FKBP11: variants seen among roughly 807,000 people sequenced by gnomAD.
FKBP11 encodes FKBP prolyl isomerase 11.
FKBP11 carries 21 observed loss-of-function variants against 24.7 expected under a neutral mutation model. That is an observed-to-expected ratio of 0.85 (90% CI 0.60 to 1.23). The LOEUF is 1.23. Ranked by LOEUF, FKBP11 falls within the 50% of genes most tolerant of loss-of-function variation. FKBP11 has a pLI of 0.00. For missense variants in FKBP11, 245 were observed against 248.7 expected (o/e 0.99, Z 0.10); for synonymous variants, 106 against 100.6 (o/e 1.05, Z -0.32).
At chr12:48,938,308 C>T in the FKBP11 span, 6 of 444,464 alleles carry the variant, frequency 1.3e-5, no homozygotes, top group East Asian at 7.1e-5. Flanking sequence ...TGGGGCAGTC[C>T]GGCTTGACTA....
At chr12:48,922,843 A>G in intron 5 of FKBP11, 1 of 1,022,332 alleles carries the variant, frequency 9.8e-7, no homozygotes, top group Non-Finnish European at 1.2e-6. Context: ...CTAAGCTGGA[A>G]CTAGGATAAG....
the FKBP11 span, chr12:48,931,646 C>T: frequency 1.7e-6 from 1 of 599,500 alleles, no homozygotes; most frequent in East Asian, 2.9e-5. Flanking sequence ...AGTACCTGGG[C>T]TTCCAAGACT....
At chr12:48,929,766 A>G (rs1940025079), upstream of FKBP11, among the ~76,000 whole-genome samples, 1 of 152,176 alleles carries the variant, frequency 6.6e-6, no homozygotes, top group Admixed American at 6.5e-5. Flanking sequence ...TTGTGAATTG[A>G]GCCAAATTCC....
chr12:48,924,739 G>A, intron 2 of FKBP11, 91 bp from the exon 3 acceptor site: 1 of 1,569,102 alleles, frequency 6.4e-7, no homozygotes. Flanking sequence ...GGCGGCGGCA[G>A]CCCCCTTAGT....
chr12:48,929,485 G>A (rs1456176054), upstream of FKBP11, among the ~76,000 whole-genome samples: 2 of 152,006 alleles, frequency 1.3e-5, no homozygotes, highest in Non-Finnish European at 2.9e-5. Flanking sequence ...TCCCTACTTT[G>A]GACCACTGTG....
upstream of FKBP11, chr12:48,925,812 G>T (rs1939952601): frequency 4.6e-6 from 1 of 218,958 alleles, no homozygotes; most frequent in South Asian, 8.4e-5. Context: ...AAGGCACAGG[G>T]TGCTCAGGAT....
At chr12:48,931,333 A>T, upstream of FKBP11, 1 of 1,241,260 alleles carries the variant, frequency 8.1e-7, no homozygotes, top group Non-Finnish European at 1.1e-6. Context: ...AGGAACCTGA[A>T]GGGGAAGAGG....
In FKBP11 at chr12:48,924,621, CAAT is replaced by C. The variant is rs1939912185; in HGVS notation, c.220_222del (p.Ile74del). The C allele has an allele frequency of 1.9e-6, 3 of 1,614,040 alleles. No homozygotes were observed. The East Asian group carries it at 6.7e-5, about 36-fold the overall frequency. ...AGAGGGTCTCTGGTCAGGGAGGTGT[CAAT>C]AATACGTCCATCTACCAAGCTTCCC... On this transcript the variant is annotated inframe_deletion, in exon 3 of 6. Coordinates refer to ENST00000550765, the MANE Select transcript of FKBP11 (RefSeq NM_016594.3).
chr12:48,925,536 G>C, upstream of FKBP11: 1 of 1,347,916 alleles, frequency 7.4e-7, no homozygotes, highest in Non-Finnish European at 9.9e-7. Context: ...GGACGGGGCG[G>C]GTCGCGATGC....
At chr12:48,926,146 T>A (rs1476337694), upstream of FKBP11, 1 of 152,044 alleles carries the variant, frequency 6.6e-6, no homozygotes, top group Non-Finnish European at 1.5e-5. Flanking sequence ...TTTCCTCTGG[T>A]GCTACTATTT....
chr12:48,938,646 C>A, the FKBP11 span: 1 of 435,318 alleles, frequency 2.3e-6, no homozygotes, highest in South Asian at 1.8e-5. Flanking sequence ...ATACCCCACT[C>A]GACCTCCCGA....
intron 5 of FKBP11, chr12:48,922,526 T>G (rs1939859308): frequency 9.8e-7 from 1 of 1,019,212 alleles, no homozygotes; most frequent in African/African-American, 1.7e-5. Flanking sequence ...ACTACTAATT[T>G]ATCGTATTTC....
At chr12:48,924,706 C>G in intron 2 of FKBP11, 58 bp from the exon 3 acceptor site, 1 of 1,589,640 alleles carries the variant, frequency 6.3e-7, no homozygotes, top group Non-Finnish European at 8.6e-7. Context: ...CCAGCAGGCG[C>G]GCAACACACA....
chr12:48,931,318 T>G (rs1460923260), upstream of FKBP11: 26 of 1,076,460 alleles, frequency 2.4e-5, no homozygotes, highest in Non-Finnish European at 3.4e-5. Flanking sequence ...TCTGAGGCTC[T>G]GTTCAGGAAC....
At chr12:48,925,600 G>C, upstream of FKBP11, 2 of 815,514 alleles carry the variant, frequency 2.5e-6, no homozygotes, top group Admixed American at 2.9e-5. Flanking sequence ...CTCCGAAAGG[G>C]AGGAGGCCGA....
upstream of FKBP11, among the ~76,000 whole-genome samples, chr12:48,927,051 G>A (rs1020199841): frequency 2.6e-5 from 4 of 152,016 alleles, no homozygotes; most frequent in African/African-American, 9.7e-5. Flanking sequence ...CTCGTGATCC[G>A]CCAGCCTCAG....
chr12:48,922,745 C>A lies in FKBP11; in HGVS notation c.389-544G>T. On this transcript the variant is annotated intron_variant, in intron 5 of 5. Coordinates refer to ENST00000550765, the MANE Select transcript of FKBP11 (RefSeq NM_016594.3). ...CAGAAATGAGTGGGCAGAAGAGGTA[C>A]AAATAAGCAGCACTGGGAATGGGGA... The A allele has an allele frequency of 6.0e-6, 6 of 997,892 alleles. No homozygotes were observed. The South Asian group carries it at 2.5e-4, about 42-fold the overall frequency. The allele number at this position is 997,892 out of a possible 1,614,324, so 61.8% of individuals were successfully genotyped here. A position where few individuals can be genotyped will look rare whatever the true frequency, so the allele number is the denominator to read the frequency against.
chr12:48,928,297 G>A (rs556478926), upstream of FKBP11, among the ~76,000 whole-genome samples: 5 of 151,184 alleles, frequency 3.3e-5, no homozygotes, highest in Non-Finnish European at 4.4e-5. Context: ...TGCCCCCTTC[G>A]GCTTCTTAAA....
At chr12:48,923,343 G>A (rs1939878577) in intron 5 of FKBP11, 1 of 1,428,216 alleles carries the variant, frequency 7.0e-7, no homozygotes, top group Non-Finnish European at 9.1e-7. Flanking sequence ...TTTAACAGTT[G>A]CTTTTTGTTT....
Sources: gnomAD v4.1 joint callset for allele counts (sites outside exome capture counted in the v4.1 genomes callset) on GRCh38, gnomAD v4.1.1 for gene constraint, MANE v1.5 for transcripts, NCBI Gene and HGNC (gene_info 2026-07-23, HGNC 2026-07-21) for gene names.